GALNT13: variants seen among roughly 807,000 people sequenced by gnomAD.
GALNT13 encodes polypeptide N-acetylgalactosaminyltransferase 13.
Under a neutral mutation model 64.2 loss-of-function variants are expected in GALNT13, and 28 were observed. The observed-to-expected ratio is 0.44, with a 90% confidence interval of 0.32 to 0.60. The LOEUF (loss-of-function observed/expected upper bound fraction) is 0.60. Among genes scored for constraint, GALNT13 ranks in the 20% least tolerant of loss-of-function variants. The pLI, the probability that GALNT13 is intolerant of heterozygous loss-of-function variation, is 0.05. For missense variants in GALNT13, 577 were observed against 669.8 expected (o/e 0.86, Z 1.53); for synonymous variants, 214 against 224.6 (o/e 0.95, Z 0.42).
intron 2 of GALNT13, among the ~76,000 whole-genome samples, chr2:153,930,494 G>C (rs562094125): frequency 4.5e-4 from 69 of 152,230 alleles, no homozygotes; most frequent in African/African-American, 1.6e-3. Context: ...TCCATCTTGA[G>C]TTGACTTTTA....
At chr2:153,455,638 C>T in the GALNT13 span, among the ~76,000 whole-genome samples, 1 of 152,144 alleles carries the variant, frequency 6.6e-6, no homozygotes, top group Admixed American at 6.5e-5. Context: ...GGCAGGGTAC[C>T]CACGACTCCT....
chr2:154,340,963 CATGTATGTGT>C (rs1695731303), intron 9 of GALNT13, among the ~76,000 whole-genome samples: 1 of 151,676 alleles, frequency 6.6e-6, no homozygotes, highest in African/African-American at 2.4e-5. Flanking sequence ...GTAGTATGTG[CATGTATGTGT>C]ACATTTATGC....
At chr2:153,345,959 C>G in the GALNT13 span, among the ~76,000 whole-genome samples, 1 of 151,794 alleles carries the variant, frequency 6.6e-6, no homozygotes, top group East Asian at 2.0e-4. Flanking sequence ...TGAAGCCCAG[C>G]TAATTTGTTT....
intron 3 of GALNT13, among the ~76,000 whole-genome samples, chr2:153,989,042 G>A (rs1694992746): frequency 7.6e-6 from 1 of 131,950 alleles, no homozygotes; most frequent in East Asian, 2.5e-4. Flanking sequence ...CAATTAAGGA[G>A]TAAAGTTACA....
At chr2:153,163,881 G>A in the GALNT13 span, among the ~76,000 whole-genome samples, 6 of 151,986 alleles carry the variant, frequency 3.9e-5, no homozygotes, top group African/African-American at 1.2e-4. Flanking sequence ...GGCCGGGCGT[G>A]GTGGCGGGCG....
At chr2:153,098,178 T>C in the GALNT13 span, among the ~76,000 whole-genome samples, 1 of 152,334 alleles carries the variant, frequency 6.6e-6, no homozygotes, top group East Asian at 1.9e-4. Flanking sequence ...TCACTACCAG[T>C]CTTTGGATCA....
chr2:154,231,735 T>G (rs1688926338), intron 4 of GALNT13, among the ~76,000 whole-genome samples: 1 of 147,672 alleles, frequency 6.8e-6, no homozygotes, highest in African/African-American at 2.5e-5. Flanking sequence ...GCTATTAGGT[T>G]GGTGCAAAAG....
At chr2:153,620,998 C>T in the GALNT13 span, among the ~76,000 whole-genome samples, 1 of 152,070 alleles carries the variant, frequency 6.6e-6, no homozygotes, top group Non-Finnish European at 1.5e-5. Context: ...CACTGTGTTT[C>T]TTGCAGACTT....
intron 3 of GALNT13, among the ~76,000 whole-genome samples, chr2:154,021,629 C>T (rs1416192292): frequency 1.3e-5 from 2 of 151,692 alleles, no homozygotes; most frequent in African/African-American, 2.4e-5. Context: ...TCTAGATATA[C>T]AATCATGTCA....
At chr2:153,472,513 A>G in the GALNT13 span, among the ~76,000 whole-genome samples, 2 of 152,184 alleles carry the variant, frequency 1.3e-5, no homozygotes, top group Admixed American at 6.5e-5. Context: ...TGTACCATCT[A>G]TACATGAGTG....
chr2:153,185,418 G>C, the GALNT13 span, among the ~76,000 whole-genome samples: 1 of 152,010 alleles, frequency 6.6e-6, no homozygotes, highest in Non-Finnish European at 1.5e-5. Flanking sequence ...TCCTGAGTTT[G>C]TGGATTCTTT....
chr2:153,134,777 C>G, the GALNT13 span, among the ~76,000 whole-genome samples: 1 of 152,094 alleles, frequency 6.6e-6, no homozygotes, highest in Non-Finnish European at 1.5e-5. Flanking sequence ...CTAACTTGCT[C>G]TCCTCCCAGG....
At chr2:154,276,474 G>A (rs1442026438) in intron 8 of GALNT13, among the ~76,000 whole-genome samples, 1 of 152,136 alleles carries the variant, frequency 6.6e-6, no homozygotes, top group African/African-American at 2.4e-5. Flanking sequence ...GACCTCAGGT[G>A]ATCCATCCAC....
the GALNT13 span, among the ~76,000 whole-genome samples, chr2:153,303,351 T>G: frequency 1.3e-4 from 20 of 152,204 alleles, no homozygotes; most frequent in Non-Finnish European, 2.6e-4. Flanking sequence ...TTTGGAAAGT[T>G]CATTGTTAGT....
chr2:153,878,048 G>A (rs927328728), intron 1 of GALNT13, among the ~76,000 whole-genome samples: 1 of 152,010 alleles, frequency 6.6e-6, no homozygotes, highest in Admixed American at 6.5e-5. Context: ...ATAGTTCTCA[G>A]TCTGACATTT....
chr2:154,396,755 G>A (rs1334692816), intron 10 of GALNT13, among the ~76,000 whole-genome samples: 1 of 151,970 alleles, frequency 6.6e-6, no homozygotes, highest in African/African-American at 2.4e-5. Flanking sequence ...ATGTGAAAGT[G>A]AAAACTGCAA....
At chr2:153,547,732 A>T in the GALNT13 span, among the ~76,000 whole-genome samples, 1 of 152,254 alleles carries the variant, frequency 6.6e-6, no homozygotes, top group African/African-American at 2.4e-5. Flanking sequence ...CATGAATTAG[A>T]TTATGAGGAT....
chr2:153,526,020 G>A, the GALNT13 span, among the ~76,000 whole-genome samples: 10 of 152,190 alleles, frequency 6.6e-5, no homozygotes, highest in African/African-American at 1.7e-4. Context: ...GCTTGAGTGC[G>A]AGCTCAGCTG....
At chr2:153,385,447 A>C in the GALNT13 span, among the ~76,000 whole-genome samples, 1 of 152,154 alleles carries the variant, frequency 6.6e-6, no homozygotes, top group Admixed American at 6.6e-5. Context: ...AAAGACAAAC[A>C]TCACATGTTC....
Sources: gnomAD v4.1 joint callset for allele counts (sites outside exome capture counted in the v4.1 genomes callset) on GRCh38, gnomAD v4.1.1 for gene constraint, MANE v1.5 for transcripts, NCBI Gene and HGNC (gene_info 2026-07-23, HGNC 2026-07-21) for gene names.